Variants in ATRNL1 observed in about 807,000 individuals in gnomAD.
ATRNL1 encodes attractin-like protein 1.
A neutral mutation model predicts 182.7 loss-of-function variants in ATRNL1; 95 were observed. That is an observed-to-expected ratio of 0.52 (90% CI 0.44 to 0.62). The LOEUF (loss-of-function observed/expected upper bound fraction) is 0.62. Ranked by LOEUF, ATRNL1 falls within the 20% of genes least tolerant of loss-of-function variation. ATRNL1 has a pLI of 0.00. For synonymous variants in ATRNL1, 576 were observed against 568.3 expected, an observed-to-expected ratio of 1.01 and a Z score of -0.19; for missense variants, 1,471 against 1,679.5, an observed-to-expected ratio of 0.88 and a Z score of 2.17.
chr10:115,416,282 T>C (rs1430956708), intron 20 of ATRNL1, among the ~76,000 whole-genome samples: 1 of 152,130 alleles, frequency 6.6e-6, no homozygotes, highest in Non-Finnish European at 1.5e-5. Flanking sequence ...ATTTATTTCA[T>C]TAGCTTTTTG....
chr10:115,450,905 A>C (rs584572), intron 21 of ATRNL1, among the ~76,000 whole-genome samples: 16,156 of 152,204 alleles, frequency 0.11, 2,818 homozygotes, highest in African/African-American at 0.36. Context: ...CCAAAACAGC[A>C]TGATACTGGT....
chr10:115,440,701 G>C (rs996676065), intron 21 of ATRNL1, among the ~76,000 whole-genome samples: 8 of 151,700 alleles, frequency 5.3e-5, no homozygotes, highest in African/African-American at 1.9e-4. Context: ...TACTTGTGTA[G>C]CAAAATCCAA....
At chr10:115,098,615 C>G (rs2085080789) in intron 1 of ATRNL1, among the ~76,000 whole-genome samples, 1 of 151,866 alleles carries the variant, frequency 6.6e-6, no homozygotes, top group Non-Finnish European at 1.5e-5. Flanking sequence ...GCGCCCGCCA[C>G]TACGCCCGGC....
chr10:115,658,584 G>A (rs926476116), intron 26 of ATRNL1, among the ~76,000 whole-genome samples: 31 of 152,164 alleles, frequency 2.0e-4, no homozygotes, highest in Middle Eastern at 3.4e-3. Flanking sequence ...ACTGAAGGAG[G>A]GAGAGTTCCA....
intron 27 of ATRNL1, among the ~76,000 whole-genome samples, chr10:115,774,125 G>A (rs1240536537): frequency 6.6e-6 from 1 of 152,122 alleles, no homozygotes; most frequent in Non-Finnish European, 1.5e-5. Flanking sequence ...CCCCAGGTGT[G>A]GAGTTAGGAT....
chr10:115,489,209 G>A (rs1256139612), intron 24 of ATRNL1, among the ~76,000 whole-genome samples: 1 of 152,164 alleles, frequency 6.6e-6, no homozygotes, highest in Non-Finnish European at 1.5e-5. Flanking sequence ...CTGTTGATTT[G>A]GGGTGGAGAG....
chr10:115,737,277 C>CA (rs1195419036), intron 27 of ATRNL1, among the ~76,000 whole-genome samples: 2 of 149,652 alleles, frequency 1.3e-5, no homozygotes, highest in African/African-American at 4.9e-5. Context: ...CATCCCCCCC[C>CA]CCCAAAAAAA....
intron 26 of ATRNL1, among the ~76,000 whole-genome samples, chr10:115,608,369 C>A (rs1247871412): frequency 1.3e-5 from 2 of 151,952 alleles, no homozygotes; most frequent in Non-Finnish European, 2.9e-5. Context: ...ATTATTAGAG[C>A]AACTACCATT....
chr10:115,912,416 T>TTTGTGTG (rs1565481394), intron 28 of ATRNL1, among the ~76,000 whole-genome samples: 3 of 148,192 alleles, frequency 2.0e-5, no homozygotes, highest in Middle Eastern at 3.5e-3. Flanking sequence ...ATATATATAT[T>TTTGTGTG]TGTGTGTGTG....
At chr10:115,532,752 G>A (rs1851673653) in intron 25 of ATRNL1, among the ~76,000 whole-genome samples, 1 of 151,286 alleles carries the variant, frequency 6.6e-6, no homozygotes, top group Non-Finnish European at 1.5e-5. Flanking sequence ...GTATGATATT[G>A]GCTGTGGGTT....
At chr10:115,343,560 G>T (rs911281818) in intron 19 of ATRNL1, among the ~76,000 whole-genome samples, 7 of 151,954 alleles carry the variant, frequency 4.6e-5, no homozygotes, top group African/African-American at 1.7e-4. Context: ...TTTGAGTTTC[G>T]TGAACACAGG....
chr10:115,754,005 C>A (rs1274889349), intron 27 of ATRNL1, among the ~76,000 whole-genome samples: 19 of 152,096 alleles, frequency 1.2e-4, no homozygotes, highest in Non-Finnish European at 2.5e-4. Flanking sequence ...TATCCTTCAC[C>A]CACTTTTTAA....
intron 26 of ATRNL1, among the ~76,000 whole-genome samples, chr10:115,625,003 T>G (rs1214212999): frequency 6.6e-6 from 1 of 152,080 alleles, no homozygotes; most frequent in African/African-American, 2.4e-5. Context: ...CCAAAGCAGG[T>G]ATGGCCTTTA....
chr10:115,730,119 T>C (rs113942016), intron 27 of ATRNL1, among the ~76,000 whole-genome samples: 6,818 of 151,772 alleles, frequency 0.045, 187 homozygotes, highest in Middle Eastern at 0.085. Context: ...TAGCTGGGCA[T>C]GGTGGTGCAC....
intron 26 of ATRNL1, among the ~76,000 whole-genome samples, chr10:115,549,961 C>CT (rs1565156806): frequency 1.3e-5 from 2 of 151,576 alleles, no homozygotes; most frequent in Non-Finnish European, 3.0e-5. Flanking sequence ...TTATAACATT[C>CT]TTTTTTTGGG....
At chr10:115,167,282 G>A (rs1364740890) in intron 7 of ATRNL1, among the ~76,000 whole-genome samples, 2 of 151,498 alleles carry the variant, frequency 1.3e-5, no homozygotes, top group Non-Finnish European at 2.9e-5. Flanking sequence ...TGCTAGTACC[G>A]TACTATTTAG....
At chr10:115,153,788 C>G (rs1231369359) in intron 5 of ATRNL1, among the ~76,000 whole-genome samples, 2 of 152,056 alleles carry the variant, frequency 1.3e-5, no homozygotes, top group Non-Finnish European at 2.9e-5. Flanking sequence ...TCTTGCTTCT[C>G]TAGTTCTTTT....
intron 26 of ATRNL1, among the ~76,000 whole-genome samples, chr10:115,680,721 G>T (rs978572300): frequency 1.3e-5 from 2 of 152,072 alleles, no homozygotes; most frequent in Non-Finnish European, 1.5e-5. Context: ...ACACATTAAG[G>T]AATGATATGG....
At chr10:115,931,799 G>A (rs1374553664) in intron 28 of ATRNL1, among the ~76,000 whole-genome samples, 2 of 152,168 alleles carry the variant, frequency 1.3e-5, no homozygotes, top group Non-Finnish European at 2.9e-5. Flanking sequence ...CATCCTGTGA[G>A]GAACCTGTGG....
Sources: gnomAD v4.1 joint callset for allele counts (sites outside exome capture counted in the v4.1 genomes callset) on GRCh38, gnomAD v4.1.1 for gene constraint, MANE v1.5 for transcripts, NCBI Gene and HGNC (gene_info 2026-07-23, HGNC 2026-07-21) for gene names.